Variants in TRIM48 observed in about 807,000 individuals in gnomAD.
The protein encoded by TRIM48 is tripartite motif containing 48, also known as E3 ubiquitin-protein ligase TRIM48.
Under a neutral mutation model 29.5 loss-of-function variants are expected in TRIM48, and 31 were observed. The observed-to-expected ratio is 1.05, with a 90% CI of 0.79 to 1.42. The LOEUF (loss-of-function observed/expected upper bound fraction) is 1.42, where lower values mean the gene tolerates loss of function less well. Among genes scored for constraint, TRIM48 ranks in the 40% most tolerant of loss-of-function variants. TRIM48 has a pLI of 0.00. For synonymous variants in TRIM48, 128 were observed against 90.6 expected, an observed-to-expected ratio of 1.41 and a Z score of -2.34; for missense variants, 344 against 265.0, an observed-to-expected ratio of 1.30 and a Z score of -2.07.
intron 3 of TRIM48, among the ~76,000 whole-genome samples, chr11:55,267,794 C>A (rs1389912935): frequency 1.4e-5 from 2 of 147,678 alleles, no homozygotes; most frequent in African/African-American, 5.0e-5. Flanking sequence ...AGTATAGCCC[C>A]GCCAAGGGAT....
At chr11:55,270,088 A>T (rs114117209) in intron 5 of TRIM48, among the ~76,000 whole-genome samples, 2,140 of 148,354 alleles carry the variant, frequency 0.014, 196 homozygotes, top group African/African-American at 0.05. Context: ...AGTTTTTAAG[A>T]ATAAGAAACA....
chr11:55,268,286 C>T (rs1857423213), intron 3 of TRIM48, 64 bp from the exon 4 acceptor site: 27 of 1,369,256 alleles, frequency 2.0e-5, no homozygotes. Context: ...AAATTTCACA[C>T]TGAACTTAAT....
At position 55,269,397 on chromosome 11, in the gene TRIM48, C is replaced by T. The variant is rs1454987585; in HGVS notation, c.*1+58C>T. 32 of 1,536,060 alleles carry T rather than the reference C, an allele frequency of 2.1e-5. 3 individuals are homozygous for T. The highest frequency in any genetic ancestry group is 2.5e-5 in the Non-Finnish European group (28 of 1,140,306). ...ATCTAAATATTATTATTGTTAGGAT[C>T]ACATAGGTAATATTTCATCCTTTAT... On this transcript the variant is annotated intron_variant, in intron 5 of 5. Coordinates refer to ENST00000417545, the MANE Select transcript of TRIM48 (RefSeq NM_024114.5).
At chr11:55,266,155 G>C (rs534723746) in intron 3 of TRIM48, among the ~76,000 whole-genome samples, 1 of 147,324 alleles carries the variant, frequency 6.8e-6, no homozygotes, top group Non-Finnish European at 1.5e-5. Flanking sequence ...GGGAAATCTA[G>C]GGCAACCATG....
At position 55,265,527 on chromosome 11, in the gene TRIM48, C is replaced by T. The variant is rs1857378959; in HGVS notation, c.460-73C>T. 5.9e-6 allele frequency: 9 copies of T among 1,528,458 alleles called. 2 individuals carry two copies. Among genetic ancestry groups the T allele is most frequent in the African/African-American group, 5.5e-5 (4 of 72,302 alleles). The allele number at this position is 1,528,458 out of a possible 1,614,324, so 94.7% of individuals were successfully genotyped here. ...GACTTATTTGTCTCTCATTCTGGGC[C>T]CCCTCCCAATGAAACGGTCTGTATG... On this transcript the variant is annotated intron_variant, in intron 2 of 5. Transcript: ENST00000417545.
chr11:55,269,001 A>C (rs1413740225), intron 4 of TRIM48, among the ~76,000 whole-genome samples: 1 of 148,154 alleles, frequency 6.7e-6, no homozygotes, highest in Non-Finnish European at 1.5e-5. Context: ...AGGCTAAGGA[A>C]CTTTACACAT....
chr11:55,265,625 C>T lies in TRIM48; in HGVS notation c.485C>T (p.Ser162Phe), dbSNP rs745847123. 6.3e-7 allele frequency: 1 copy of T among 1,581,912 alleles called. No homozygotes were observed. The highest frequency in any genetic ancestry group is 8.6e-7 in the Non-Finnish European group (1 of 1,165,526). The part of the protein sequence containing the change: ...HWEKLLKKMQ[S>F]LWEKACENQR... ...GAGAAGCTTTTAAAGAAAATGCAGT[C>T]TTTATGGGAAAAAGCTTGTGAAAAT... Residue 162 changes from serine (S) to phenylalanine (F), a missense_variant, in exon 3 of 6, where the codon TCT becomes TTT. Ser to Phe is a radical substitution (Grantham distance 155). Transcript: ENST00000417545.
chr11:55,269,232 T>C lies in TRIM48; in HGVS notation c.579-10T>C. Reference sequence around the variant, plus strand: ...CTGTAGATGTTGTAACTGCAGGTTTTTCCTTGCAGGAGTGAGTCCGTGCTG... The same window carrying C: ...CTGTAGATGTTGTAACTGCAGGTTTCTCCTTGCAGGAGTGAGTCCGTGCTG... On this transcript the variant is annotated splice_polypyrimidine_tract_variant and intron_variant, in intron 4 of 5. Coordinates refer to ENST00000417545, the MANE Select transcript of TRIM48 (RefSeq NM_024114.5). 1 of 1,572,780 alleles carries C rather than the reference T, an allele frequency of 6.4e-7. No individual in the cohort carries two copies. Among genetic ancestry groups the C allele is most frequent in the Non-Finnish European group, 8.6e-7 (1 of 1,165,808 alleles).
intron 1 of TRIM48, among the ~76,000 whole-genome samples, chr11:55,262,993 C>T (rs919297803): frequency 7.9e-5 from 12 of 151,994 alleles, no homozygotes; most frequent in South Asian, 2.1e-4. Flanking sequence ...AGGAGAGTAA[C>T]GAAAAGGACT....
Position 55,267,320 on chromosome 11 carries a change from G to C in TRIM48, c.556-1030G>C. On this transcript the variant is annotated intron_variant, in intron 3 of 5. Coordinates refer to ENST00000417545, the MANE Select transcript of TRIM48 (RefSeq NM_024114.5). The stretch of plus-strand genomic sequence containing the variant: ...GGCAAGACTGAGGTTTAAACTATTG[G>C]ATGTTCGAGAGACAAAAGGAATCAG... The C allele has an allele frequency of 1.4e-6, 2 of 1,381,388 alleles. 1 individual carries two copies. The highest frequency in any genetic ancestry group is 2.0e-6 in the Non-Finnish European group (2 of 1,012,074). 85.6% of individuals were successfully genotyped at this position (1,381,388 alleles called of 1,614,324 possible).
At position 55,262,317 on chromosome 11, in the gene TRIM48, T is replaced by C; in HGVS notation, c.44+6T>C. On this transcript the variant is annotated splice_donor_region_variant and intron_variant, in intron 1 of 5. Transcript: ENST00000417545. Reference sequence around the variant, plus strand: ...ACCCTTCAAAGAACCCAGCGGTGAGTGAAACTTATATTGATAAAATTATAT... The same window carrying C: ...ACCCTTCAAAGAACCCAGCGGTGAGCGAAACTTATATTGATAAAATTATAT... 1 of 1,541,408 alleles carries C rather than the reference T, an allele frequency of 6.5e-7. No homozygotes were observed. Among genetic ancestry groups the C allele is most frequent in the Non-Finnish European group, 8.8e-7 (1 of 1,139,584 alleles).
Position 55,269,257 on chromosome 11 carries a change from G to T in TRIM48, c.594G>T (p.Leu198=), listed in dbSNP as rs1300734467. 3 of 1,575,386 alleles carry T rather than the reference G, an allele frequency of 1.9e-6. No homozygotes were observed. The highest frequency in any genetic ancestry group is 1.7e-5 in the Admixed American group (1 of 58,496). Residue 198 remains leucine (L), a synonymous_variant, in exon 5 of 6, where the codon CTG becomes CTT. Transcript: ENST00000417545. ...TTCCTTGCAGGAGTGAGTCCGTGCT[G>T]CTGCACATGCCCCAGCCTCTGAATC... ...GDILYRSESV[L]LHMPQPLNLA...
At chr11:55,269,099 T>G (rs1285878885) in intron 4 of TRIM48, 143 bp from the exon 5 acceptor site, 2 of 1,303,876 alleles carry the variant, frequency 1.5e-6, no homozygotes, top group Non-Finnish European at 2.1e-6. Context: ...AAATAGAAAT[T>G]AATTCCAAAA....
At position 55,267,669 on chromosome 11, in the gene TRIM48, T is replaced by C. The variant is rs1241133269; in HGVS notation, c.556-681T>C. On this transcript the variant is annotated intron_variant, in intron 3 of 5. Coordinates refer to ENST00000417545, the MANE Select transcript of TRIM48 (RefSeq NM_024114.5). The stretch of plus-strand genomic sequence containing the variant: ...AACTCGCAATGTGGTTTCAGGTTTT[T>C]GACTATTCACATGTATAAGTATTTT... The C allele has an allele frequency of 1.7e-5, 27 of 1,564,250 alleles. 2 individuals carry two copies. In the Admixed American group the frequency reaches 3.3e-4, roughly 19 times the overall value.
At chr11:55,263,622 A>T (rs1358150013) in intron 1 of TRIM48, among the ~76,000 whole-genome samples, 1 of 152,128 alleles carries the variant, frequency 6.6e-6, no homozygotes, top group Non-Finnish European at 1.5e-5. Context: ...AGATTGCACC[A>T]CTGCACTCCA....
Position 55,270,549 on chromosome 11 carries a change from A to T in TRIM48, c.*114A>T. The T allele has an allele frequency of 6.3e-7, 1 of 1,583,120 alleles. No individual in the cohort carries two copies. Among genetic ancestry groups the T allele is most frequent in the Non-Finnish European group, 8.6e-7 (1 of 1,165,738 alleles). ...AAAATCCGCCCCATATCACTGCAAC[A>T]CCTACAAGTTTTCTTGCATGGGGTG... On this transcript the variant is annotated 3_prime_UTR_variant, in exon 6 of 6. Transcript: ENST00000417545.
At chr11:55,262,368 T>A (rs558169738) in intron 1 of TRIM48, 57 bp downstream of exon 1, 384 of 1,244,444 alleles carry the variant, frequency 3.1e-4, no homozygotes, top group Non-Finnish European at 4.0e-4. Flanking sequence ...AAATAATAAA[T>A]TAGAGTGTTA....
In TRIM48 at chr11:55,265,220, T is replaced by A. The variant is rs368759414; in HGVS notation, c.365T>A (p.Val122Glu). Residue 122 changes from valine to glutamate, a missense_variant, in exon 2 of 6, where the codon GTG (valine) becomes GAG (glutamate). By Grantham distance (121) the Val-to-Glu change is moderately radical. Coordinates refer to ENST00000417545, the MANE Select transcript of TRIM48 (RefSeq NM_024114.5). Reference protein sequence around the residue: ...HRETKKMFCEVDRSLLCLLCS... With the variant: ...HRETKKMFCEEDRSLLCLLCS... ...GAGACAAAGAAGATGTTCTGTGAAGTGGACAGGAGCCTGCTCTGTTTGCTG... is the reference window on the plus strand; with the variant it reads ...GAGACAAAGAAGATGTTCTGTGAAGAGGACAGGAGCCTGCTCTGTTTGCTG... 1.9e-6 allele frequency: 3 copies of A among 1,582,782 alleles called. No individual in the cohort carries two copies. Among genetic ancestry groups the A allele is most frequent in the South Asian group, 2.4e-5 (2 of 83,654 alleles).
Position 55,262,587 on chromosome 11 carries a change from G to A in TRIM48, c.44+276G>A, listed in dbSNP as rs530365307. ...ATATATGGAGTTGATATTTATACAT[G>A]TATGTACACATAGGTGTGTGTAAAT... On this transcript the variant is annotated intron_variant, in intron 1 of 5. Coordinates refer to ENST00000417545, the MANE Select transcript of TRIM48 (RefSeq NM_024114.5). Among the ~76,000 whole-genome samples the A allele has an allele frequency of 5.9e-5, 9 of 152,128 alleles. No individual in the cohort carries two copies. In the South Asian group the frequency reaches 1.9e-3, roughly 32 times the overall value.
Sources: allele counts gnomAD v4.1 joint callset (sites outside exome capture counted in the v4.1 genomes callset), GRCh38; gene constraint gnomAD v4.1.1; transcripts MANE v1.5; gene names NCBI Gene and HGNC (gene_info 2026-07-23, HGNC 2026-07-21).